CBY2: variants seen among roughly 807,000 people sequenced by gnomAD.
CBY2 encodes chibby family member 2, also known as protein chibby homolog 2.
Under a neutral mutation model 25.3 loss-of-function variants are expected in CBY2, and 23 were observed. That is an observed-to-expected ratio of 0.91 (90% confidence interval 0.65 to 1.29). The LOEUF is 1.29. CBY2 is among the 50% of genes most tolerant of loss of function. The probability of loss-of-function intolerance (pLI) is 0.00; values close to 1 mark genes in which losing one functional copy is unlikely to be tolerated. For synonymous variants in CBY2, 279 were observed against 260.2 expected, an observed-to-expected ratio of 1.07 and a Z score of -0.70; for missense variants, 642 against 590.7, an observed-to-expected ratio of 1.09 and a Z score of -0.90.
rs765265916 is a variant in CBY2 at position 45,713,277 on chromosome 13, G to A, written c.252G>A (p.Met84Ile). Residue 84 changes from methionine (M) to isoleucine (I), a missense_variant, in exon 3 of 3, where the codon ATG (methionine) becomes ATA (isoleucine). By Grantham distance (10) the Met-to-Ile change is conservative (BLOSUM62 1). Coordinates refer to ENST00000310521, the MANE Select transcript of CBY2 (RefSeq NM_152719.3). The surrounding 1 kb of genome is among the most constrained non-coding windows in gnomAD (Gnocchi z 5.0). ...QAALPRLSRR[M>I]ASQHSYPLNR... ...CCCTGCCCCGGCTGAGCCGCAGGAT[G>A]GCGAGCCAGCACTCCTATCCACTGA... 3.1e-6 allele frequency: 5 copies of A among 1,613,892 alleles called. No homozygotes were observed. The highest frequency in any genetic ancestry group is 2.7e-5 in the African/African-American group (2 of 75,070).
rs570933038 is a variant in CBY2 at position 45,706,930 on chromosome 13, T to A, written c.156+4075T>A. Among the ~76,000 whole-genome samples the A allele has an allele frequency of 1.7e-4, 26 of 152,342 alleles. No homozygotes were observed. In the South Asian group the frequency reaches 5.4e-3, roughly 32 times the overall value. ...TGGGTAGCCCTTTTGTAAAGAAATATACTCCACGTTGCATAGCGCTTTAGG... is the reference window on the plus strand; with the variant it reads ...TGGGTAGCCCTTTTGTAAAGAAATAAACTCCACGTTGCATAGCGCTTTAGG... On this transcript the variant is annotated intron_variant, in intron 2 of 2. Coordinates refer to ENST00000310521, the MANE Select transcript of CBY2 (RefSeq NM_152719.3).
chr13:45,708,895 A>C (rs1433790499), intron 2 of CBY2, among the ~76,000 whole-genome samples: 1 of 152,206 alleles, frequency 6.6e-6, no homozygotes, highest in African/African-American at 2.4e-5. Context: ...TTTCCTGTTG[A>C]GAAAGTAAAG....
chr13:45,703,384 G>A, intron 2 of CBY2: 2 of 1,449,198 alleles, frequency 1.4e-6, no homozygotes, highest in East Asian at 2.5e-5. Context: ...AATTGGTGAA[G>A]TCCTCACAGG....
Position 45,713,155 on chromosome 13 carries a change from G to C in CBY2, c.157-27G>C. ...CAAGTGTGTCAGTCCCATCGTTAAC[G>C]CTGGGCTTTCCCATTCTCTCCCGCA... On this transcript the variant is annotated intron_variant, in intron 2 of 2. Transcript: ENST00000310521. This position sits in a 1 kb window ranked among gnomAD's most constrained non-coding sequence, Gnocchi z 5.0. The C allele has an allele frequency of 6.4e-7, 1 of 1,565,202 alleles. No homozygotes were observed. Among genetic ancestry groups the C allele is most frequent in the Non-Finnish European group, 8.7e-7 (1 of 1,148,286 alleles).
chr13:45,713,945 G>T lies in CBY2; in HGVS notation c.920G>T (p.Arg307Leu), dbSNP rs765472548. Reference sequence around the variant, plus strand: ...GACCAGGGCTCCGGCCTCTCCTCCCGCTTCGAGGAGCCCAAAGGGCCTCCG... The same window carrying T: ...GACCAGGGCTCCGGCCTCTCCTCCCTCTTCGAGGAGCCCAAAGGGCCTCCG... ...LQDQGSGLSS[R>L]FEEPKGPPAR... Residue 307 changes from arginine (R) to leucine (L), a missense_variant, in exon 3 of 3, where the codon CGC becomes CTC. By Grantham distance (102) the Arg-to-Leu change is moderately radical. Coordinates refer to ENST00000310521, the MANE Select transcript of CBY2 (RefSeq NM_152719.3). The surrounding 1 kb of genome is among the most constrained non-coding windows in gnomAD (Gnocchi z 5.0). The T allele has an allele frequency of 1.3e-6, 2 of 1,532,542 alleles. No homozygotes were observed. The highest frequency in any genetic ancestry group is 2.4e-5 in the South Asian group (2 of 83,584). 94.9% of individuals were successfully genotyped at this position (1,532,542 alleles called of 1,614,324 possible).
rs780972113 is a variant in CBY2, at chr13:45,713,459, C to A, written c.434C>A (p.Pro145His). 8 of 1,614,224 alleles carry A rather than the reference C, an allele frequency of 5.0e-6. No homozygotes were observed. The highest frequency in any genetic ancestry group is 6.8e-6 in the Non-Finnish European group (8 of 1,180,048). Reference protein sequence around the residue: ...WVNENCRLQSPYFSPSASFHH... With the variant: ...WVNENCRLQSHYFSPSASFHH... ...AATGAGAACTGCCGCCTGCAGTCTC[C>A]CTACTTCTCCCCATCCGCCTCCTTC... Residue 145 changes from proline to histidine, a missense_variant, in exon 3 of 3, where the codon CCC becomes CAC. By Grantham distance (77) the Pro-to-His change is moderately conservative (BLOSUM62 -2). Transcript: ENST00000310521. This position sits in a 1 kb window ranked among gnomAD's most constrained non-coding sequence, Gnocchi z 5.0.
chr13:45,714,196 A>T lies in CBY2; in HGVS notation c.1171A>T (p.Arg391Trp), dbSNP rs1336252244. ...CCTGCAGGTGCTACGGGCAGAGCAC[A>T]GGGGCTTCCAGGAGGAGAACAAGGC... ...RTLQVLRAEH[R>W]GFQEENKALW... The change falls in exon 3 of 3, where the codon AGG (arginine) becomes TGG (tryptophan). Residue 391 changes from arginine to tryptophan, a missense_variant. Physicochemically the swap from Arg to Trp is moderately radical, Grantham distance 101. Coordinates refer to ENST00000310521, the MANE Select transcript of CBY2 (RefSeq NM_152719.3). The T allele has an allele frequency of 6.2e-7, 1 of 1,612,302 alleles. No individual in the cohort carries two copies. Among genetic ancestry groups the T allele is most frequent in the Non-Finnish European group, 8.5e-7 (1 of 1,179,700 alleles).
intron 2 of CBY2, among the ~76,000 whole-genome samples, chr13:45,706,454 G>C (rs1196595494): frequency 6.6e-6 from 1 of 152,162 alleles, no homozygotes; most frequent in Non-Finnish European, 1.5e-5. Flanking sequence ...CCTGAGGACA[G>C]AGTCTCTTGG....
intron 2 of CBY2, among the ~76,000 whole-genome samples, chr13:45,711,450 G>T (rs537408758): frequency 2.8e-4 from 42 of 152,250 alleles, no homozygotes; most frequent in African/African-American, 9.6e-4. Flanking sequence ...GTCTCAAAGA[G>T]GATAAGAGAG....
At chr13:45,708,246 T>C (rs1425150221) in intron 2 of CBY2, among the ~76,000 whole-genome samples, 1 of 152,216 alleles carries the variant, frequency 6.6e-6, no homozygotes, top group East Asian at 1.9e-4. Context: ...GAAGTGACTT[T>C]GTAAAGGTCA....
chr13:45,713,851 G>T lies in CBY2; in HGVS notation c.826G>T (p.Ala276Ser). Residue 276 changes from alanine (A) to serine (S), a missense_variant, in exon 3 of 3, where the codon GCC becomes TCC. Physicochemically the swap from Ala to Ser is moderately conservative, Grantham distance 99. Transcript: ENST00000310521. This position sits in a 1 kb window ranked among gnomAD's most constrained non-coding sequence, Gnocchi z 5.0. ...CTGGGCGCAGGCAGAGGACACGGCCGCCCCTGCCGAGGAAAGCAAGCCCGC... is the reference window on the plus strand; with the variant it reads ...CTGGGCGCAGGCAGAGGACACGGCCTCCCCTGCCGAGGAAAGCAAGCCCGC... Reference protein sequence around the residue: ...AYWAQAEDTAAPAEESKPAPS... With the variant: ...AYWAQAEDTASPAEESKPAPS... 6.6e-7 allele frequency: 1 copy of T among 1,516,262 alleles called. No homozygotes were observed. The allele number at this position is 1,516,262 out of a possible 1,614,324, so 93.9% of individuals were successfully genotyped here. A position where few individuals can be genotyped will look rare whatever the true frequency, so the allele number is the denominator to read the frequency against.
chr13:45,709,351 G>T (rs1357454230), intron 2 of CBY2, among the ~76,000 whole-genome samples: 1 of 152,216 alleles, frequency 6.6e-6, no homozygotes, highest in Non-Finnish European at 1.5e-5. Flanking sequence ...AACACAGGCA[G>T]CTGAATGCCA....
At chr13:45,705,494 G>A (rs927403226) in intron 2 of CBY2, among the ~76,000 whole-genome samples, 7 of 152,162 alleles carry the variant, frequency 4.6e-5, no homozygotes, top group Non-Finnish European at 8.8e-5. Flanking sequence ...GACAGCACCC[G>A]CCAATTTGAA....
chr13:45,708,111 A>G (rs1950249722), intron 2 of CBY2, among the ~76,000 whole-genome samples: 1 of 152,206 alleles, frequency 6.6e-6, no homozygotes, highest in African/African-American at 2.4e-5. Context: ...AGAGGGTTGT[A>G]CAGGTTGTGC....
intron 2 of CBY2, among the ~76,000 whole-genome samples, chr13:45,712,743 A>T (rs1950277905): frequency 6.6e-6 from 1 of 152,188 alleles, no homozygotes; most frequent in South Asian, 2.1e-4. Flanking sequence ...TAGTATTCCC[A>T]ATCACAAGAA....
At chr13:45,702,643 G>A in intron 1 of CBY2, 132 bp from the exon 2 acceptor site, 1 of 903,706 alleles carries the variant, frequency 1.1e-6, no homozygotes, top group Non-Finnish European at 1.8e-6. Flanking sequence ...TTCAGACTCA[G>A]ACTTTCATAA....
At chr13:45,703,489 G>A in intron 2 of CBY2, 1 of 1,549,948 alleles carries the variant, frequency 6.5e-7, no homozygotes, top group Non-Finnish European at 8.7e-7. Context: ...ATGTCACAAA[G>A]GGGTGGCTTT....
Position 45,702,757 on chromosome 13 carries a change from C to T in CBY2, c.76-18C>T, listed in dbSNP as rs1040409403. On this transcript the variant is annotated intron_variant, in intron 1 of 2. Transcript: ENST00000310521. Reference sequence around the variant, plus strand: ...TGAGCTGGGAAGCAGTAATCTTCTTCTTTTCTCGTTTCCACAGCACTCAAG... The same window carrying T: ...TGAGCTGGGAAGCAGTAATCTTCTTTTTTTCTCGTTTCCACAGCACTCAAG... 1.2e-6 allele frequency: 2 copies of T among 1,606,096 alleles called. No homozygotes were observed. The highest frequency in any genetic ancestry group is 2.7e-5 in the African/African-American group (2 of 74,686).
rs1036674403 is a variant in CBY2 at position 45,713,727 on chromosome 13, C to T, written c.702C>T (p.Val234=). Residue 234 remains valine, a synonymous_variant, in exon 3 of 3, where the codon GTC becomes GTT. Coordinates refer to ENST00000310521, the MANE Select transcript of CBY2 (RefSeq NM_152719.3). This position sits in a 1 kb window ranked among gnomAD's most constrained non-coding sequence, Gnocchi z 5.0. ...ASLEVVKKDH[V]ALQVPRGKED... The stretch of plus-strand genomic sequence containing the variant: ...TGGAGGTGGTGAAGAAGGACCACGT[C>T]GCCCTGCAGGTGCCCCGTGGCAAGG... 1 of 1,611,578 alleles carries T rather than the reference C, an allele frequency of 6.2e-7. No individual in the cohort carries two copies. The highest frequency in any genetic ancestry group is 8.5e-7 in the Non-Finnish European group (1 of 1,179,686).
Sources: allele counts gnomAD v4.1 joint callset (sites outside exome capture counted in the v4.1 genomes callset), GRCh38; gene constraint gnomAD v4.1.1; non-coding constraint Gnocchi (gnomAD v3.1); transcripts MANE v1.5; gene names NCBI Gene and HGNC (gene_info 2026-07-23, HGNC 2026-07-21).